LAMA2: variants seen among roughly 807,000 people sequenced by gnomAD.
LAMA2 encodes laminin subunit alpha-2.
A neutral mutation model predicts 364.8 loss-of-function variants in LAMA2; 269 were observed. The ratio of observed to expected loss-of-function variants is 0.74; its 90% CI spans 0.67 to 0.82. The LOEUF (loss-of-function observed/expected upper bound fraction) is 0.82. Among genes scored for constraint, LAMA2 ranks in the 40% least tolerant of loss-of-function variants. The pLI, the probability that LAMA2 is intolerant of heterozygous loss-of-function variation, is 0.00. For synonymous variants in LAMA2, 1,379 were observed against 1,370.6 expected, an observed-to-expected ratio of 1.01 and a Z score of -0.14; for missense variants, 3,807 against 3,873.2, an observed-to-expected ratio of 0.98 and a Z score of 0.45.
At chr6:129,051,627 T>C (rs540226668) in intron 2 of LAMA2, among the ~76,000 whole-genome samples, 4 of 148,766 alleles carry the variant, frequency 2.7e-5, no homozygotes, top group Non-Finnish European at 5.9e-5. Flanking sequence ...AAGGTAGATA[T>C]ATATTATATG....
chr6:129,277,653 C>G (rs1397698012), intron 17 of LAMA2, among the ~76,000 whole-genome samples: 2 of 152,100 alleles, frequency 1.3e-5, no homozygotes, highest in Admixed American at 6.6e-5. Context: ...CTAAATTCTC[C>G]TGGAAATTTT....
intron 12 of LAMA2, among the ~76,000 whole-genome samples, chr6:129,227,237 C>CT (rs975987657): frequency 6.6e-6 from 1 of 152,064 alleles, no homozygotes; most frequent in Non-Finnish European, 1.5e-5. Context: ...TTTGTCCTAT[C>CT]TTTTTTCAAG....
intron 59 of LAMA2, 84 bp from the exon 60 acceptor site, chr6:129,503,007 T>C: frequency 6.9e-6 from 9 of 1,301,390 alleles, no homozygotes; most frequent in Non-Finnish European, 1.0e-5. Flanking sequence ...TTTATGAAAA[T>C]GCAGCCACGA....
intron 37 of LAMA2, among the ~76,000 whole-genome samples, chr6:129,400,203 G>A (rs535723371): frequency 1.7e-4 from 26 of 152,216 alleles, no homozygotes; most frequent in East Asian, 5.8e-4. Context: ...CAGTAATCCC[G>A]TTTATGAAGT....
intron 29 of LAMA2, among the ~76,000 whole-genome samples, chr6:129,332,562 A>G (rs2114544067): frequency 6.6e-6 from 1 of 152,312 alleles, no homozygotes; most frequent in South Asian, 2.1e-4. Context: ...TAATTAAATT[A>G]GCCTATTTGT....
In LAMA2 at chr6:129,088,087, C is replaced by G. The variant is rs12198534; in HGVS notation, c.397-10086C>G. Among the ~76,000 whole-genome samples, 23 of 25,986 alleles carry G rather than the reference C, an allele frequency of 8.9e-4. 1 individual carries two copies. Among genetic ancestry groups the G allele is most frequent in the African/African-American group, 1.1e-3 (21 of 19,636 alleles). 17.0% of individuals were successfully genotyped at this position (25,986 alleles called of 152,430 possible). A position where few individuals can be genotyped will look rare whatever the true frequency, so the allele number is the denominator to read the frequency against. ...CCCTGGGTACTTGAGATCAGGGAGT[C>G]CTGATGACTCTTAACGCGCATGCTG... On this transcript the variant is annotated intron_variant, in intron 3 of 64. Transcript: ENST00000421865.
rs775504308 is a variant in LAMA2 at position 129,200,342 on chromosome 6, ATATGTGTACACATATACATATACACGTG to A, written c.1782+7509_1782+7536del. On this transcript the variant is annotated intron_variant, in intron 12 of 64. Coordinates refer to ENST00000421865, the MANE Select transcript of LAMA2 (RefSeq NM_000426.4). Reference sequence around the variant, plus strand: ...CGTGTACACATATACATATACACGTATATGTGTACACATATACATATACACGTGTATGTGTACACATATACATGTGTAT... The same window carrying A: ...CGTGTACACATATACATATACACGTATATGTGTACACATATACATGTGTAT... 2.8e-3 allele frequency among the ~76,000 whole-genome samples: 342 copies of A among 121,176 alleles called. 2 individuals are homozygous for A. The highest frequency in any genetic ancestry group is 9.3e-3 in the African/African-American group (328 of 35,440). The allele number at this position is 121,176 out of a possible 152,430, so 79.5% of individuals were successfully genotyped here.
intron 8 of LAMA2, chr6:129,158,128 G>A (rs1779233528): frequency 1.3e-5 from 21 of 1,612,298 alleles, no homozygotes; most frequent in Non-Finnish European, 1.7e-5. Flanking sequence ...GCCAATTTAA[G>A]CAGGGCTCTG....
intron 1 of LAMA2, among the ~76,000 whole-genome samples, chr6:128,889,632 G>A (rs1304344575): frequency 6.6e-6 from 1 of 151,310 alleles, no homozygotes; most frequent in African/African-American, 2.4e-5. Context: ...ATAAAATAAG[G>A]TAATTAAAAT....
Position 129,452,993 on chromosome 6 carries a change from AG to A in LAMA2, c.6436del (p.Val2146TyrfsTer29), listed in dbSNP as rs760157054. 6.2e-7 allele frequency: 1 copy of A among 1,612,500 alleles called. No individual in the cohort carries two copies. Among genetic ancestry groups the A allele is most frequent in the Admixed American group, 1.7e-5 (1 of 59,930 alleles). On this transcript the variant is annotated frameshift_variant, in exon 46 of 65. Coordinates refer to ENST00000421865, the MANE Select transcript of LAMA2 (RefSeq NM_000426.4). LOFTEE classifies it high-confidence loss of function. ...GTATCTTGTTTTTTTTAAAGATCAAAGTATCTGTGTCTTCAGGAGGTGACTG... is the reference window on the plus strand; with the variant it reads ...GTATCTTGTTTTTTTTAAAGATCAAATATCTGTGTCTTCAGGAGGTGACTG... Reference protein sequence around the residue: ...QARKQANSIKVSVSSGGDCIR... With the variant: ...QARKQANSIKXSVSSGGDCIR...
At chr6:128,965,825 A>G (rs1251977308) in intron 1 of LAMA2, among the ~76,000 whole-genome samples, 1 of 151,930 alleles carries the variant, frequency 6.6e-6, no homozygotes, top group Non-Finnish European at 1.5e-5. Flanking sequence ...CAATCTTTAA[A>G]TCCTGCTTGA....
intron 32 of LAMA2, among the ~76,000 whole-genome samples, chr6:129,365,637 A>T (rs1777724325): frequency 6.6e-6 from 1 of 151,542 alleles, no homozygotes; most frequent in South Asian, 2.1e-4. Flanking sequence ...TGTTGGGATT[A>T]CAGGCATGAG....
intron 1 of LAMA2, among the ~76,000 whole-genome samples, chr6:128,938,603 T>G (rs1460653161): frequency 6.6e-6 from 1 of 152,150 alleles, no homozygotes; most frequent in African/African-American, 2.4e-5. Context: ...CTAGGTCCCA[T>G]GAGGGAAGGG....
intron 3 of LAMA2, among the ~76,000 whole-genome samples, chr6:129,090,631 A>G (rs970074820): frequency 6.6e-6 from 1 of 152,184 alleles, no homozygotes; most frequent in Non-Finnish European, 1.5e-5. Flanking sequence ...GCATTTTGCT[A>G]CTTAGGGTTC....
intron 34 of LAMA2, among the ~76,000 whole-genome samples, chr6:129,382,701 A>T (rs1292068209): frequency 3.9e-5 from 6 of 152,222 alleles, no homozygotes; most frequent in Non-Finnish European, 8.8e-5. Context: ...TTATTGAGGC[A>T]GACAGCCTGT....
chr6:129,499,020 A>G lies in LAMA2; in HGVS notation c.8245-3639A>G, dbSNP rs1200257927. On this transcript the variant is annotated intron_variant, in intron 58 of 64. Coordinates refer to ENST00000421865, the MANE Select transcript of LAMA2 (RefSeq NM_000426.4). ...AGGCTTTGGGAGCATGGCTTCCTCC[A>G]TAATTATTCCCAACCACATCACTGC... 2.6e-5 allele frequency among the ~76,000 whole-genome samples: 4 copies of G among 152,274 alleles called. No homozygotes were observed. In the East Asian group the frequency reaches 5.8e-4, roughly 22 times the overall value.
chr6:129,200,842 T>G (rs1212527094), intron 12 of LAMA2, among the ~76,000 whole-genome samples: 3 of 152,134 alleles, frequency 2.0e-5, no homozygotes. Context: ...CCCTATACAG[T>G]AAATGGTCTG....
At chr6:129,274,512 C>T (rs1373934548) in intron 17 of LAMA2, among the ~76,000 whole-genome samples, 1 of 151,758 alleles carries the variant, frequency 6.6e-6, no homozygotes, top group African/African-American at 2.4e-5. Flanking sequence ...TATTTAATCC[C>T]TGGTCATAAA....
chr6:129,292,301 G>T (rs1262211154), intron 20 of LAMA2, among the ~76,000 whole-genome samples: 3 of 152,184 alleles, frequency 2.0e-5, no homozygotes, highest in Admixed American at 6.5e-5. Context: ...AGCCGAGATA[G>T]TGCCACTGCA....
Sources: allele counts gnomAD v4.1 joint callset (sites outside exome capture counted in the v4.1 genomes callset), GRCh38; gene constraint gnomAD v4.1.1; transcripts MANE v1.5; gene names NCBI Gene and HGNC (gene_info 2026-07-23, HGNC 2026-07-21).